NRXN3: variants seen among roughly 807,000 people sequenced by gnomAD.
NRXN3 encodes the protein neurexin 3.
Under a neutral mutation model 137.6 loss-of-function variants are expected in NRXN3, and 32 were observed. The ratio of observed to expected loss-of-function variants is 0.23; its 90% CI spans 0.18 to 0.31. NRXN3 has a LOEUF of 0.31. Ranked by LOEUF, NRXN3 falls within the 10% of genes least tolerant of loss-of-function variation. NRXN3 has a pLI of 1.00. For missense variants in NRXN3, 1,574 were observed against 2,062.5 expected, an observed-to-expected ratio of 0.76 and a Z score of 4.59; for synonymous variants, 798 against 784.5, an observed-to-expected ratio of 1.02 and a Z score of -0.29.
chr14:78,262,353 A>G (rs1016028532), intron 2 of NRXN3, among the ~76,000 whole-genome samples: 2 of 152,106 alleles, frequency 1.3e-5, no homozygotes, highest in Non-Finnish European at 2.9e-5. Flanking sequence ...TTGGCTGGTA[A>G]GTGGACACAC....
At chr14:78,843,351 T>A (rs2099017994) in intron 10 of NRXN3, among the ~76,000 whole-genome samples, 1 of 152,176 alleles carries the variant, frequency 6.6e-6, no homozygotes, top group South Asian at 2.1e-4. Flanking sequence ...GTAAGACACG[T>A]ATTCTTTTTA....
At chr14:79,545,715 T>C (rs1348267418) in intron 16 of NRXN3, among the ~76,000 whole-genome samples, 1 of 151,192 alleles carries the variant, frequency 6.6e-6, no homozygotes, top group Non-Finnish European at 1.5e-5. Flanking sequence ...TGGAGCCTGG[T>C]GAAAAATGTA....
At chr14:78,374,766 C>T (rs915297405) in intron 4 of NRXN3, among the ~76,000 whole-genome samples, 1 of 32,478 alleles carries the variant, frequency 3.1e-5, no homozygotes, top group Non-Finnish European at 5.9e-5. Flanking sequence ...GAGACTCCAT[C>T]TCCAAAAAAA....
intron 4 of NRXN3, among the ~76,000 whole-genome samples, chr14:78,447,204 G>T (rs2094441558): frequency 6.6e-6 from 1 of 152,188 alleles, no homozygotes; most frequent in South Asian, 2.1e-4. Flanking sequence ...GTAAAATCGA[G>T]TTGCTGCATT....
At chr14:79,582,044 C>A (rs1199081938) in intron 16 of NRXN3, among the ~76,000 whole-genome samples, 2 of 152,166 alleles carry the variant, frequency 1.3e-5, no homozygotes, top group East Asian at 1.9e-4. Flanking sequence ...CCTGCCTCAG[C>A]CTTCCCAGTA....
At chr14:78,554,406 T>C (rs1460845768) in intron 4 of NRXN3, among the ~76,000 whole-genome samples, 4 of 152,106 alleles carry the variant, frequency 2.6e-5, no homozygotes, top group African/African-American at 9.7e-5. Flanking sequence ...CTGTACTCAC[T>C]GCTGCTCTCT....
intron 7 of NRXN3, among the ~76,000 whole-genome samples, chr14:78,713,459 G>A (rs1316386949): frequency 6.6e-6 from 1 of 152,156 alleles, no homozygotes; most frequent in Non-Finnish European, 1.5e-5. Flanking sequence ...GAGACCTTCA[G>A]TGACTCTACA....
intron 8 of NRXN3, among the ~76,000 whole-genome samples, chr14:78,732,016 G>T (rs368165567): frequency 3.9e-5 from 6 of 152,348 alleles, no homozygotes; most frequent in African/African-American, 7.2e-5. Context: ...GGAAATAGCT[G>T]CAAGTTTCAA....
At chr14:79,071,572 A>T (rs2099687859) in intron 15 of NRXN3, among the ~76,000 whole-genome samples, 1 of 152,200 alleles carries the variant, frequency 6.6e-6, no homozygotes. Context: ...GGGTGGATGG[A>T]TGAATGAATG....
intron 15 of NRXN3, among the ~76,000 whole-genome samples, chr14:79,166,552 GT>G (rs983462925): frequency 1.3e-5 from 2 of 148,672 alleles, no homozygotes; most frequent in East Asian, 2.0e-4. Context: ...ATTTTGTTTA[GT>G]TTTTTTTTCT....
At chr14:79,578,304 T>A (rs2097683756) in intron 16 of NRXN3, among the ~76,000 whole-genome samples, 1 of 152,206 alleles carries the variant, frequency 6.6e-6, no homozygotes, top group Non-Finnish European at 1.5e-5. Flanking sequence ...CAGGCAACAG[T>A]GTGCGACAAT....
At chr14:78,660,167 A>C (rs1023160890) in intron 6 of NRXN3, among the ~76,000 whole-genome samples, 1 of 151,864 alleles carries the variant, frequency 6.6e-6, no homozygotes, top group African/African-American at 2.4e-5. Flanking sequence ...ACAGACAGAG[A>C]GTAGTTCTTC....
intron 3 of NRXN3, among the ~76,000 whole-genome samples, chr14:78,291,438 CTAAGA>C (rs1262015118): frequency 6.6e-6 from 1 of 152,220 alleles, no homozygotes; most frequent in African/African-American, 2.4e-5. Flanking sequence ...GCTTAAAATG[CTAAGA>C]TGTGTATTTC....
intron 4 of NRXN3, among the ~76,000 whole-genome samples, chr14:78,502,146 C>T (rs902874251): frequency 3.3e-5 from 5 of 152,112 alleles, no homozygotes; most frequent in South Asian, 2.1e-4. Context: ...AAATATCTGC[C>T]GTGTTGAGAG....
At chr14:79,710,112 C>A (rs1158296434) in intron 19 of NRXN3, among the ~76,000 whole-genome samples, 8 of 152,026 alleles carry the variant, frequency 5.3e-5, no homozygotes, top group African/African-American at 1.2e-4. Context: ...CATTTAAAGT[C>A]AAAAATAATA....
chr14:79,257,376 GTGGTGGTGGTGA>G (rs2076743705), intron 15 of NRXN3, among the ~76,000 whole-genome samples: 2 of 103,282 alleles, frequency 1.9e-5, no homozygotes, highest in Non-Finnish European at 2.0e-5. Flanking sequence ...GGTGGTGGTG[GTGGTGGTGGTGA>G]TGGTGGTGGT....
intron 4 of NRXN3, among the ~76,000 whole-genome samples, chr14:78,335,131 T>C (rs182248147): frequency 1.3e-5 from 2 of 152,308 alleles, no homozygotes; most frequent in East Asian, 3.9e-4. Context: ...GTTCAACTTC[T>C]TTCCCTCTAA....
At chr14:79,733,204 A>C (rs7148220) in intron 19 of NRXN3, among the ~76,000 whole-genome samples, 1 of 151,836 alleles carries the variant, frequency 6.6e-6, no homozygotes, top group Non-Finnish European at 1.5e-5. Context: ...AAATTTTTTT[A>C]AAAAAATGTG....
At chr14:79,689,527 T>C (rs2098708392) in intron 17 of NRXN3, among the ~76,000 whole-genome samples, 1 of 152,104 alleles carries the variant, frequency 6.6e-6, no homozygotes, top group Non-Finnish European at 1.5e-5. Flanking sequence ...TCACAACTTT[T>C]AACAGCATGC....
Sources: gnomAD v4.1 joint callset for allele counts (sites outside exome capture counted in the v4.1 genomes callset) on GRCh38, gnomAD v4.1.1 for gene constraint, MANE v1.5 for transcripts, NCBI Gene and HGNC (gene_info 2026-07-23, HGNC 2026-07-21) for gene names.